SCML2: variants seen among roughly 807,000 people sequenced by gnomAD.
The protein encoded by SCML2 is Scm polycomb group protein like 2, also known as sex comb on midleg-like protein 2.
A neutral mutation model predicts 48.4 loss-of-function variants in SCML2; 6 were observed. The observed-to-expected ratio is 0.12, with a 90% CI of 0.07 to 0.24. The LOEUF (loss-of-function observed/expected upper bound fraction) is 0.24. Among genes scored for constraint, SCML2 ranks in the 10% least tolerant of loss-of-function variants. The probability of loss-of-function intolerance (pLI) is 1.00; values close to 1 mark genes in which losing one functional copy is unlikely to be tolerated. For synonymous variants in SCML2, 181 were observed against 189.5 expected, an observed-to-expected ratio of 0.95 and a Z score of 0.37; for missense variants, 377 against 528.2, an observed-to-expected ratio of 0.71 and a Z score of 2.81.
intron 1 of SCML2, among the ~76,000 whole-genome samples, chrX:18,342,066 G>A (rs1930031375): frequency 8.9e-6 from 1 of 111,937 alleles, no homozygotes; most frequent in Non-Finnish European, 1.9e-5. Flanking sequence ...AGTTCTTTTA[G>A]AAACACATTT....
intron 1 of SCML2, among the ~76,000 whole-genome samples, chrX:18,351,666 T>C (rs1008446098): frequency 2.2e-5 from 1 of 45,784 alleles, no homozygotes; most frequent in South Asian, 9.8e-4. Context: ...GCAGACAGAA[T>C]AACCAGGCAA....
At chrX:18,245,969 C>T (rs1024971426) in intron 13 of SCML2, among the ~76,000 whole-genome samples, 3 of 112,248 alleles carry the variant, frequency 2.7e-5, no homozygotes, top group Non-Finnish European at 3.8e-5. Context: ...AAACTCCCGA[C>T]TTCGGGTGAT....
In SCML2 at chrX:18,319,249, G is replaced by A. The variant is rs777883686; in HGVS notation, c.486+1083C>T. On this transcript the variant is annotated intron_variant, in intron 6 of 14. Coordinates refer to ENST00000251900, the MANE Select transcript of SCML2 (RefSeq NM_006089.3). The stretch of plus-strand genomic sequence containing the variant: ...CTACTAAAAACACAAAAATTAGCCT[G>A]GTGTAGTGGCACGCGCCTGTAATCC... 2.7e-5 allele frequency among the ~76,000 whole-genome samples: 3 copies of A among 111,244 alleles called. No individual in the cohort carries two copies. The South Asian group carries it at 1.1e-3, about 43-fold the overall frequency.
chrX:18,268,749 C>T (rs935656843), intron 7 of SCML2, among the ~76,000 whole-genome samples: 14 of 108,259 alleles, frequency 1.3e-4, no homozygotes, highest in Non-Finnish European at 1.5e-4. Context: ...CACATGTACC[C>T]TAAAACTTAA....
intron 7 of SCML2, among the ~76,000 whole-genome samples, chrX:18,267,898 T>C (rs1053024995): frequency 9.0e-6 from 1 of 110,986 alleles, no homozygotes; most frequent in African/African-American, 3.3e-5. Flanking sequence ...GCCCAGCCCT[T>C]TTTTGTTTCT....
chrX:18,345,402 T>A (rs777668511), intron 1 of SCML2, among the ~76,000 whole-genome samples: 2 of 110,469 alleles, frequency 1.8e-5, no homozygotes, highest in Admixed American at 9.7e-5. Flanking sequence ...TAAAAACAAT[T>A]TTTTTTTTGA....
intron 1 of SCML2, among the ~76,000 whole-genome samples, chrX:18,338,445 AAAAAAAAAAAAAG>A (rs1271370698): frequency 4.8e-5 from 5 of 104,678 alleles, no homozygotes; most frequent in Non-Finnish European, 2.0e-5. Flanking sequence ...CTCTGTCTTA[AAAAAAAAAAAAAG>A]AAAAAAAAAA....
chrX:18,293,269 C>G (rs1928292471), intron 7 of SCML2, among the ~76,000 whole-genome samples: 1 of 111,495 alleles, frequency 9.0e-6, no homozygotes, highest in African/African-American at 3.2e-5. Context: ...AATGTTTTCT[C>G]TACTCAAAAA....
At chrX:18,284,329 C>A (rs566011175) in intron 7 of SCML2, among the ~76,000 whole-genome samples, 1 of 111,842 alleles carries the variant, frequency 8.9e-6, no homozygotes, top group African/African-American at 3.2e-5. Flanking sequence ...GAAAACCTAG[C>A]AAATACCCTC....
intron 1 of SCML2, among the ~76,000 whole-genome samples, chrX:18,336,594 G>A (rs1036392001): frequency 1.8e-5 from 2 of 108,901 alleles, no homozygotes; most frequent in Admixed American, 9.9e-5. Flanking sequence ...AAAATCAGCC[G>A]GGCATGGTGG....
At chrX:18,273,928 C>T (rs1215762837) in intron 7 of SCML2, among the ~76,000 whole-genome samples, 1 of 110,568 alleles carries the variant, frequency 9.0e-6, no homozygotes, top group African/African-American at 3.3e-5. Context: ...GGGAGGATTG[C>T]CTTCCCACTC....
chrX:18,265,445 G>C, intron 8 of SCML2, 140 bp downstream of exon 8: 2 of 487,407 alleles, frequency 4.1e-6, no homozygotes, highest in Non-Finnish European at 6.9e-6. Flanking sequence ...ATAGTTATGT[G>C]AGGCTTTCAA....
At chrX:18,331,421 C>T (rs1167683843) in intron 2 of SCML2, among the ~76,000 whole-genome samples, 1 of 110,159 alleles carries the variant, frequency 9.1e-6, no homozygotes, top group Non-Finnish European at 1.9e-5. Flanking sequence ...ATTCAATGGA[C>T]TGGGCAGAGA....
intron 14 of SCML2, among the ~76,000 whole-genome samples, chrX:18,241,748 T>C (rs1240118623): frequency 8.9e-6 from 1 of 112,034 alleles, no homozygotes; most frequent in Non-Finnish European, 1.9e-5. Context: ...GCCAGGAATA[T>C]GTCAATATCA....
intron 2 of SCML2, among the ~76,000 whole-genome samples, chrX:18,332,624 AT>A (rs762628453): frequency 8.9e-6 from 1 of 112,087 alleles, no homozygotes; most frequent in African/African-American, 3.2e-5. Flanking sequence ...CTACTAATAA[AT>A]GAATGGATCC....
chrX:18,280,508 T>C (rs1927794169), intron 7 of SCML2, among the ~76,000 whole-genome samples: 1 of 111,601 alleles, frequency 9.0e-6, no homozygotes, highest in Non-Finnish European at 1.9e-5. Flanking sequence ...AAATCATACA[T>C]ATCAGTACTA....
At chrX:18,327,819 C>T (rs993616575) in intron 3 of SCML2, among the ~76,000 whole-genome samples, 5 of 111,659 alleles carry the variant, frequency 4.5e-5, no homozygotes, top group Non-Finnish European at 7.5e-5. Flanking sequence ...TGGCTGCCCA[C>T]GTGTTCATAA....
intron 6 of SCML2, among the ~76,000 whole-genome samples, chrX:18,312,322 A>G (rs1173485909): frequency 9.0e-6 from 1 of 111,040 alleles, no homozygotes; most frequent in Non-Finnish European, 1.9e-5. Flanking sequence ...GAAGATACCA[A>G]AATCCAAGGA....
intron 7 of SCML2, among the ~76,000 whole-genome samples, chrX:18,268,225 A>G (rs1486534603): frequency 1.8e-5 from 2 of 112,679 alleles, no homozygotes; most frequent in African/African-American, 6.4e-5. Context: ...CTTTGGGGGT[A>G]AACTTAAAAA....
Sources: gnomAD v4.1 joint callset for allele counts (sites outside exome capture counted in the v4.1 genomes callset) on GRCh38, gnomAD v4.1.1 for gene constraint, MANE v1.5 for transcripts, NCBI Gene and HGNC (gene_info 2026-07-23, HGNC 2026-07-21) for gene names.